The following UTRN variants were observed in gnomAD, a reference collection of about 807,000 sequenced individuals.
UTRN encodes utrophin, also known as dystrophin-related protein 1.
In UTRN, 283 loss-of-function variants were observed where a neutral mutation model predicts 463.9. That is an observed-to-expected ratio of 0.61 (90% CI 0.55 to 0.67). UTRN has a LOEUF of 0.67. Ranked by LOEUF, UTRN falls within the 30% of genes least tolerant of loss-of-function variation. The pLI is 0.00. For missense variants in UTRN, 3,922 were observed against 4,084.3 expected, an observed-to-expected ratio of 0.96 and a Z score of 1.08; for synonymous variants, 1,442 against 1,431.5, an observed-to-expected ratio of 1.01 and a Z score of -0.17.
chr6:144,707,674 T>A (rs982416384), intron 53 of UTRN, among the ~76,000 whole-genome samples: 1 of 152,244 alleles, frequency 6.6e-6, no homozygotes, highest in African/African-American at 2.4e-5. Context: ...GATGGGCTTG[T>A]TAAGCCACAG....
intron 51 of UTRN, among the ~76,000 whole-genome samples, chr6:144,602,377 G>T (rs1455109474): frequency 6.6e-6 from 1 of 151,682 alleles, no homozygotes; most frequent in Non-Finnish European, 1.5e-5. Flanking sequence ...GACATCATGT[G>T]ATCCACCCGC....
chr6:144,787,726 G>T (rs1776407885), intron 61 of UTRN, among the ~76,000 whole-genome samples: 1 of 152,080 alleles, frequency 6.6e-6, no homozygotes. Flanking sequence ...TAAAATTAAA[G>T]TTACGTGATA....
intron 14 of UTRN, among the ~76,000 whole-genome samples, chr6:144,445,567 CG>C (rs66894873): frequency 0.04 from 5,969 of 148,450 alleles, 436 homozygotes; most frequent in African/African-American, 0.14. Flanking sequence ...CTTCCCCCCC[CG>C]CCCTCAATCT....
chr6:144,463,001 C>T, intron 23 of UTRN, 135 bp downstream of exon 23: 4 of 812,358 alleles, frequency 4.9e-6, no homozygotes, highest in Middle Eastern at 3.6e-4. Context: ...TAAGTTGGGA[C>T]TTATCAAAGA....
chr6:144,352,688 T>TA (rs1423111307), intron 2 of UTRN, among the ~76,000 whole-genome samples: 2 of 152,214 alleles, frequency 1.3e-5, no homozygotes, highest in African/African-American at 2.4e-5. Context: ...TACTAGGCCT[T>TA]ACGCTGCAAC....
chr6:144,574,056 T>C (rs1801199531), intron 50 of UTRN, among the ~76,000 whole-genome samples: 1 of 152,120 alleles, frequency 6.6e-6, no homozygotes. Flanking sequence ...TTGTGATAAA[T>C]GGAGAGGGTC....
chr6:144,473,983 G>C, intron 24 of UTRN, 150 bp downstream of exon 24: 2 of 569,358 alleles, frequency 3.5e-6, no homozygotes. Context: ...TGACTTTATA[G>C]CTAATAAAAG....
At chr6:144,663,540 G>A (rs1780094051) in intron 51 of UTRN, among the ~76,000 whole-genome samples, 1 of 152,160 alleles carries the variant, frequency 6.6e-6, no homozygotes, top group Non-Finnish European at 1.5e-5. Context: ...AGAGGATAGT[G>A]TAATGGCCAA....
At chr6:144,363,386 C>G (rs1174324168) in intron 2 of UTRN, among the ~76,000 whole-genome samples, 1 of 152,190 alleles carries the variant, frequency 6.6e-6, no homozygotes, top group African/African-American at 2.4e-5. Flanking sequence ...TTTTCCAGAA[C>G]TGGTGAGGTG....
chr6:144,808,398 T>G (rs548300524), intron 65 of UTRN, among the ~76,000 whole-genome samples: 6 of 152,172 alleles, frequency 3.9e-5, no homozygotes, highest in Non-Finnish European at 8.8e-5. Context: ...TTATTTATGA[T>G]GATTTAATTT....
intron 65 of UTRN, among the ~76,000 whole-genome samples, chr6:144,810,869 C>G (rs1295399969): frequency 1.3e-5 from 2 of 152,086 alleles, no homozygotes; most frequent in African/African-American, 4.8e-5. Flanking sequence ...AAAAATACCT[C>G]AATGAGAAAC....
At position 144,424,088 on chromosome 6, in the gene UTRN, T is replaced by C; in HGVS notation, c.405+10T>C. 1 of 1,612,076 alleles carries C rather than the reference T, an allele frequency of 6.2e-7. No homozygotes were observed. The highest frequency in any genetic ancestry group is 8.5e-7 in the Non-Finnish European group (1 of 1,179,190). On this transcript the variant is annotated intron_variant, in intron 6 of 74. Transcript: ENST00000367545. ...CATTTTGCACTGGCAGGTGGGGAAA[T>C]TTCCAATCACTTTTTAATAGAGATG...
intron 20 of UTRN, 70 bp from the exon 21 acceptor site, chr6:144,459,104 T>A: frequency 6.4e-7 from 1 of 1,574,598 alleles, no homozygotes; most frequent in Middle Eastern, 1.7e-4. Context: ...AAGTTAATGC[T>A]GCCCTGATTA....
rs979300498 is a variant in UTRN at position 144,493,229 on chromosome 6, G to T, written c.4438-72G>T. 1.5e-5 allele frequency: 22 copies of T among 1,482,036 alleles called. No homozygotes were observed. In the African/African-American group the frequency reaches 2.5e-4, roughly 17 times the overall value. The allele number at this position is 1,482,036 out of a possible 1,614,324, so 91.8% of individuals were successfully genotyped here. A position where few individuals can be genotyped will look rare whatever the true frequency, so the allele number is the denominator to read the frequency against. ...TGGCTGTCAATCTGTGTAAGCTGTG[G>T]TCTGACATGATGCCAGTTGGCAAGT... On this transcript the variant is annotated intron_variant, in intron 32 of 74. Coordinates refer to ENST00000367545, the MANE Select transcript of UTRN (RefSeq NM_007124.3).
Position 144,438,034 on chromosome 6 carries a change from C to A in UTRN, c.1241+288C>A, listed in dbSNP as rs563250110. Among the ~76,000 whole-genome samples, 5 of 152,240 alleles carry A rather than the reference C, an allele frequency of 3.3e-5. No individual in the cohort carries two copies. In the South Asian group the frequency reaches 1.0e-3, roughly 32 times the overall value. ...GTAATCCCAGCACTTGGGAGGCCAA[C>A]GCGGATGGATCACTTGAGGCCAGGA... On this transcript the variant is annotated intron_variant, in intron 11 of 74. Transcript: ENST00000367545.
rs1005079488 is a variant in UTRN at position 144,593,581 on chromosome 6, G to A, written c.7479+16293G>A. Among the ~76,000 whole-genome samples the A allele has an allele frequency of 2.6e-5, 4 of 152,222 alleles. No individual in the cohort carries two copies. In the East Asian group the frequency reaches 7.7e-4, roughly 29 times the overall value. On this transcript the variant is annotated intron_variant, in intron 51 of 74. Coordinates refer to ENST00000367545, the MANE Select transcript of UTRN (RefSeq NM_007124.3). ...GAGTCTCTGGCCTCTTCTCACTTGG[G>A]CATGGAGAGATGGGGTTTTCCTTTT...
At chr6:144,470,981 G>A (rs112509923) in intron 23 of UTRN, among the ~76,000 whole-genome samples, 17,460 of 149,116 alleles carry the variant, frequency 0.12, 1,073 homozygotes, top group South Asian at 0.23. Context: ...CGGCAGGACA[G>A]TCCAGCCTTG....
chr6:144,606,207 T>G (rs1804832097), intron 51 of UTRN, among the ~76,000 whole-genome samples: 1 of 152,222 alleles, frequency 6.6e-6, no homozygotes, highest in Non-Finnish European at 1.5e-5. Context: ...CTGATCTCTT[T>G]GTTATTTTGA....
chr6:144,721,967 C>T (rs967457490), intron 53 of UTRN, among the ~76,000 whole-genome samples: 1 of 152,170 alleles, frequency 6.6e-6, no homozygotes, highest in African/African-American at 2.4e-5. Context: ...ATTAGGGATG[C>T]TCAACCTGTA....
Sources: gnomAD v4.1 joint callset for allele counts (sites outside exome capture counted in the v4.1 genomes callset) on GRCh38, gnomAD v4.1.1 for gene constraint, MANE v1.5 for transcripts, NCBI Gene and HGNC (gene_info 2026-07-23, HGNC 2026-07-21) for gene names.